Variants in SMAP1 observed in about 807,000 individuals in gnomAD.
SMAP1 encodes stromal membrane-associated protein 1.
SMAP1 carries 24 observed loss-of-function variants against 58.5 expected under a neutral mutation model. That is an observed-to-expected ratio of 0.41 (90% CI 0.30 to 0.58). The LOEUF (loss-of-function observed/expected upper bound fraction) is 0.58. Ranked by LOEUF, SMAP1 falls within the 20% of genes least tolerant of loss-of-function variation. The pLI is 0.29. For synonymous variants in SMAP1, 216 were observed against 196.6 expected (o/e 1.10, Z -0.82); for missense variants, 563 against 566.3 (o/e 0.99, Z 0.06).
Position 70,856,840 on chromosome 6 carries a change from A to T in SMAP1, c.790-19A>T, listed in dbSNP as rs2150013373. ...TTTACTATGCAGAATTTGATAGCTT[A>T]TTTTGGTGTTTGTCTCAGGGGACAC... is the stretch of plus-strand genomic sequence containing the variant. On this transcript the variant is annotated intron_variant, in intron 8 of 10. Transcript: ENST00000370455. 1 of 1,584,726 alleles carries T rather than the reference A, an allele frequency of 6.3e-7. No individual in the cohort carries two copies. The highest frequency in any genetic ancestry group is 1.7e-4 in the Middle Eastern group (1 of 5,890).
intron 2 of SMAP1, among the ~76,000 whole-genome samples, chr6:70,753,766 T>G (rs1766375425): frequency 6.6e-6 from 1 of 152,088 alleles, no homozygotes; most frequent in Non-Finnish European, 1.5e-5. Context: ...AGCTTAATGG[T>G]AAAGCCCGCC....
At chr6:70,668,590 A>G (rs1766135099) in intron 1 of SMAP1, 3 of 1,535,692 alleles carry the variant, frequency 2.0e-6, no homozygotes, top group Middle Eastern at 1.7e-4. Context: ...CGGTGTGACC[A>G]CGTCCTCCCA....
chr6:70,764,843 A>G (rs757229244), intron 3 of SMAP1, among the ~76,000 whole-genome samples: 2 of 152,126 alleles, frequency 1.3e-5, no homozygotes, highest in South Asian at 2.1e-4. Context: ...TCCATTGCCC[A>G]GGCTGGAATG....
At chr6:70,768,272 G>A (rs1034457975) in intron 3 of SMAP1, among the ~76,000 whole-genome samples, 1 of 152,232 alleles carries the variant, frequency 6.6e-6, no homozygotes, top group South Asian at 2.1e-4. Context: ...CATAAAATGA[G>A]TTAGGGAGGA....
chr6:70,794,171 A>T (rs1768495948), intron 5 of SMAP1, among the ~76,000 whole-genome samples: 1 of 152,232 alleles, frequency 6.6e-6, no homozygotes, highest in South Asian at 2.1e-4. Context: ...TCACTTGTGC[A>T]TATAGCCACC....
rs756672546 is a variant in SMAP1 at position 70,668,038 on chromosome 6, C to T, written c.15C>T (p.Ser5=). The change falls in exon 1 of 11, where the codon TCC becomes TCT. Residue 5 remains serine (S), a synonymous_variant. Coordinates refer to ENST00000370455, the MANE Select transcript of SMAP1 (RefSeq NM_001044305.3). MATR[S]CREKAQKLNE... is the part of the protein sequence containing the mutation. ...CCGCTGCCGAGATGGCGACGCGCTC[C>T]TGTCGGGAGAAGGCTCAGAAGCTGA... 6.2e-7 allele frequency: 1 copy of T among 1,601,078 alleles called. No individual in the cohort carries two copies. The highest frequency in any genetic ancestry group is 1.1e-5 in the South Asian group (1 of 89,686).
chr6:70,776,844 GTATTCCATTGTGTATA>G (rs1192110602), intron 4 of SMAP1, among the ~76,000 whole-genome samples: 1 of 152,144 alleles, frequency 6.6e-6, no homozygotes, highest in African/African-American at 2.4e-5. Flanking sequence ...TGGCTGAATA[GTATTCCATTGTGTATA>G]TATATCACAC....
At chr6:70,684,797 A>G (rs1313333768) in intron 1 of SMAP1, among the ~76,000 whole-genome samples, 1 of 152,120 alleles carries the variant, frequency 6.6e-6, no homozygotes, top group African/African-American at 2.4e-5. Flanking sequence ...TTCTTCCTCC[A>G]GTTGTCTGTG....
At chr6:70,771,599 T>C (rs1767316256) in intron 3 of SMAP1, among the ~76,000 whole-genome samples, 1 of 152,092 alleles carries the variant, frequency 6.6e-6, no homozygotes, top group Non-Finnish European at 1.5e-5. Context: ...TTTAAGCCCG[T>C]CGGAAAAGCG....
intron 7 of SMAP1, among the ~76,000 whole-genome samples, chr6:70,848,360 A>G (rs1771066584): frequency 6.6e-6 from 1 of 152,156 alleles, no homozygotes. Context: ...TGATTTTTAG[A>G]CTGTTTAAGT....
At chr6:70,709,276 T>A (rs1448446580) in intron 1 of SMAP1, among the ~76,000 whole-genome samples, 1 of 152,206 alleles carries the variant, frequency 6.6e-6, no homozygotes, top group Non-Finnish European at 1.5e-5. Context: ...TTAGTCTGTG[T>A]CTATTTTCAT....
At chr6:70,695,281 G>T (rs1251926831) in intron 1 of SMAP1, among the ~76,000 whole-genome samples, 1 of 151,924 alleles carries the variant, frequency 6.6e-6, no homozygotes, top group Non-Finnish European at 1.5e-5. Context: ...TCTTTCTCTT[G>T]TCTGATTGCT....
chr6:70,860,493 T>C lies in SMAP1; in HGVS notation c.*159T>C, dbSNP rs1261131133. The C allele has an allele frequency of 4.2e-6, 3 of 714,876 alleles. No individual in the cohort carries two copies. In the Admixed American group the frequency reaches 1.2e-4, roughly 29 times the overall value. 44.3% of individuals were successfully genotyped at this position (714,876 alleles called of 1,614,324 possible). ...ACCGTGTTGGTCTGTACTGATTCAATTTGATGTGGTGAAAAGCAGGTTGAT... is the reference window on the plus strand; with the variant it reads ...ACCGTGTTGGTCTGTACTGATTCAACTTGATGTGGTGAAAAGCAGGTTGAT... On this transcript the variant is annotated 3_prime_UTR_variant, in exon 11 of 11. Coordinates refer to ENST00000370455, the MANE Select transcript of SMAP1 (RefSeq NM_001044305.3).
At chr6:70,766,942 T>A (rs1204951492) in intron 3 of SMAP1, among the ~76,000 whole-genome samples, 1 of 152,090 alleles carries the variant, frequency 6.6e-6, no homozygotes, top group Non-Finnish European at 1.5e-5. Context: ...AAGGAAGGGA[T>A]CCAGTTTCAG....
intron 1 of SMAP1, among the ~76,000 whole-genome samples, chr6:70,681,333 A>T (rs1160347417): frequency 6.6e-6 from 1 of 152,104 alleles, no homozygotes; most frequent in African/African-American, 2.4e-5. Context: ...TTGGGAGGCT[A>T]GGGTAGGAGG....
At position 70,860,286 on chromosome 6, in the gene SMAP1, G is replaced by T; in HGVS notation, c.1356G>T (p.Trp452Cys). ...AGCCCTCCAGCACAACAGCAGGATG[G>T]TCTGGAAGCTCATCAGGTCAGACTC... Reference protein sequence around the residue: ...FGQPSSTTAGWSGSSSGQTLS... With the variant: ...FGQPSSTTAGCSGSSSGQTLS... The change falls in exon 11 of 11, where the codon TGG becomes TGT. Residue 452 changes from tryptophan (W) to cysteine (C), a missense_variant. Trp to Cys is a radical substitution (Grantham distance 215, BLOSUM62 -2). Transcript: ENST00000370455. 1 of 1,613,724 alleles carries T rather than the reference G, an allele frequency of 6.2e-7. No homozygotes were observed. Among genetic ancestry groups the T allele is most frequent in the Non-Finnish European group, 8.5e-7 (1 of 1,179,824 alleles).
chr6:70,851,438 G>A (rs980999942), intron 7 of SMAP1, among the ~76,000 whole-genome samples: 1 of 152,142 alleles, frequency 6.6e-6, no homozygotes, highest in African/African-American at 2.4e-5. Context: ...TTGTTGAAAA[G>A]GTTTTCAAAG....
intron 6 of SMAP1, among the ~76,000 whole-genome samples, chr6:70,802,385 T>A (rs563361756): frequency 5.0e-4 from 76 of 152,248 alleles, no homozygotes; most frequent in Non-Finnish European, 9.4e-4. Context: ...TGAAGTTGCT[T>A]ATCAGCTTAA....
In SMAP1 at chr6:70,838,410, C is replaced by A. The variant is rs1248347453; in HGVS notation, c.664+1382C>A. On this transcript the variant is annotated intron_variant, in intron 7 of 10. Transcript: ENST00000370455. ...ACCCCTGCCTTCTGGGGCTTTCATT[C>A]CATCTGGAGAGACAGTGAATAAACA... is the stretch of plus-strand genomic sequence containing the variant. 2.0e-5 allele frequency among the ~76,000 whole-genome samples: 3 copies of A among 152,254 alleles called. No individual in the cohort carries two copies. The East Asian group carries it at 5.8e-4, about 29-fold the overall frequency.
Sources: gnomAD v4.1 joint callset for allele counts (sites outside exome capture counted in the v4.1 genomes callset) on GRCh38, gnomAD v4.1.1 for gene constraint, MANE v1.5 for transcripts, NCBI Gene and HGNC (gene_info 2026-07-23, HGNC 2026-07-21) for gene names.